The following SLC4A8 variants were observed in gnomAD, a reference collection of about 807,000 sequenced individuals.
The protein encoded by SLC4A8 is solute carrier family 4 member 8.
SLC4A8 carries 40 observed loss-of-function variants against 125.0 expected under a neutral mutation model. The observed-to-expected ratio is 0.32, with a 90% CI of 0.25 to 0.42. SLC4A8 has a LOEUF of 0.42. SLC4A8 is among the 10% of genes least tolerant of loss of function. The pLI, the probability that SLC4A8 is intolerant of heterozygous loss-of-function variation, is 1.00. For missense variants in SLC4A8, 863 were observed against 1,355.1 expected (o/e 0.64, Z 5.70); for synonymous variants, 456 against 476.0 (o/e 0.96, Z 0.55).
At chr12:51,424,076 A>AC (rs1555186727), upstream of SLC4A8, among the ~76,000 whole-genome samples, 66 of 126,346 alleles carry the variant, frequency 5.2e-4, no homozygotes, top group East Asian at 3.8e-3. Context: ...CAAAAAAAAA[A>AC]CAAAAAAAAC....
chr12:51,489,992 G>T, intron 19 of SLC4A8, 41 bp downstream of exon 19: 1 of 1,595,704 alleles, frequency 6.3e-7, no homozygotes, highest in South Asian at 1.1e-5. Flanking sequence ...TCAAGGGCCT[G>T]ATTTGTGCCA....
At chr12:51,497,594 G>A (rs1211250108) in intron 22 of SLC4A8, 1 of 155,300 alleles carries the variant, frequency 6.4e-6, no homozygotes, top group Non-Finnish European at 1.4e-5. Flanking sequence ...CTACACAATG[G>A]ACCCTCAATA....
rs1423022446 is a variant in SLC4A8, at chr12:51,424,955, GA to G, written c.-32del. The G allele has an allele frequency of 2.0e-5, 31 of 1,549,958 alleles. No homozygotes were observed. The highest frequency in any genetic ancestry group is 2.6e-5 in the Non-Finnish European group (30 of 1,146,690). On this transcript the variant is annotated 5_prime_UTR_variant, in exon 1 of 25. An upstream open reading frame in the 5' UTR gains an earlier in-frame stop. Coordinates refer to ENST00000453097, the MANE Select transcript of SLC4A8 (RefSeq NM_001039960.3). ...GCGCGGGCTGCTGATGCTTGGCTTG[GA>G]GCCCGTGGGGGAGACCTAGTTCGGC... is the stretch of plus-strand genomic sequence containing the variant.
chr12:51,406,999 G>A (rs987744042), intron 1 of SLC4A8, among the ~76,000 whole-genome samples: 2 of 152,208 alleles, frequency 1.3e-5, no homozygotes, highest in Admixed American at 1.3e-4. Context: ...CAAAATACCT[G>A]AGACGGGATA....
At chr12:51,415,462 T>C (rs987770272) in intron 1 of SLC4A8, among the ~76,000 whole-genome samples, 1 of 152,144 alleles carries the variant, frequency 6.6e-6, no homozygotes, top group African/African-American at 2.4e-5. Context: ...CCCGGTTCAA[T>C]CTTGGTAGGT....
At chr12:51,499,682 TG>T (rs1937763916) in intron 22 of SLC4A8, among the ~76,000 whole-genome samples, 1 of 151,644 alleles carries the variant, frequency 6.6e-6, no homozygotes, top group South Asian at 2.1e-4. Flanking sequence ...GGTAGTGATA[TG>T]TTTTAAGAAG....
At chr12:51,411,769 A>G (rs1948602005) in intron 1 of SLC4A8, among the ~76,000 whole-genome samples, 1 of 152,180 alleles carries the variant, frequency 6.6e-6, no homozygotes, top group African/African-American at 2.4e-5. Context: ...GTGTTTAAGA[A>G]GTTCTATTTA....
At chr12:51,428,321 A>G (rs1186043137) in intron 1 of SLC4A8, among the ~76,000 whole-genome samples, 2 of 152,150 alleles carry the variant, frequency 1.3e-5, no homozygotes, top group African/African-American at 4.8e-5. Flanking sequence ...TCTTGAGGGC[A>G]GGGGACAAGC....
At position 51,511,933 on chromosome 12, in the gene SLC4A8, GTT is replaced by G. The variant is rs1424847170; in HGVS notation, c.*4498_*4499del. On this transcript the variant is annotated 3_prime_UTR_variant, in exon 25 of 25. Coordinates refer to ENST00000453097, the MANE Select transcript of SLC4A8 (RefSeq NM_001039960.3). ...CAACAGCTTTGAATGTATTAAATCT[GTT>G]TTCAACAGCCCTTGCATAGGTGTTA... The G allele has an allele frequency of 6.6e-6, 1 of 152,206 alleles. No homozygotes were observed. The highest frequency in any genetic ancestry group is 1.5e-5 in the Non-Finnish European group (1 of 68,044). The allele number at this position is 152,206 out of a possible 1,614,324, so 9.4% of individuals were successfully genotyped here.
At chr12:51,473,496 C>T (rs1256886144) in intron 14 of SLC4A8, among the ~76,000 whole-genome samples, 2 of 152,012 alleles carry the variant, frequency 1.3e-5, no homozygotes, top group Admixed American at 6.6e-5. Flanking sequence ...TATTACTTTT[C>T]GTTTTGTCAA....
chr12:51,430,195 G>A (rs1949143397), intron 1 of SLC4A8, among the ~76,000 whole-genome samples: 1 of 152,076 alleles, frequency 6.6e-6, no homozygotes, highest in Non-Finnish European at 1.5e-5. Context: ...TGAGAAACAT[G>A]GCTGATAGGA....
intron 22 of SLC4A8, among the ~76,000 whole-genome samples, chr12:51,503,824 T>C (rs1251238324): frequency 6.6e-6 from 1 of 152,216 alleles, no homozygotes; most frequent in Non-Finnish European, 1.5e-5. Flanking sequence ...GACATTTTCT[T>C]TTTTTCTTTT....
At chr12:51,395,501 G>A (rs1332403492) in intron 1 of SLC4A8, among the ~76,000 whole-genome samples, 4 of 152,228 alleles carry the variant, frequency 2.6e-5, no homozygotes, top group Non-Finnish European at 4.4e-5. Context: ...GACAAAGGCA[G>A]CTCTGTGAGG....
upstream of SLC4A8, among the ~76,000 whole-genome samples, chr12:51,424,058 A>AC (rs1346780085): frequency 3.7e-5 from 2 of 54,078 alleles, no homozygotes; most frequent in Non-Finnish European, 8.4e-5. Flanking sequence ...AAAAAACAAA[A>AC]AAAACAACAA....
At chr12:51,413,630 G>T (rs887192769) in intron 1 of SLC4A8, among the ~76,000 whole-genome samples, 1 of 152,080 alleles carries the variant, frequency 6.6e-6, no homozygotes, top group African/African-American at 2.4e-5. Flanking sequence ...ATTCTTCTGC[G>T]TATGGATAGC....
intron 11 of SLC4A8, among the ~76,000 whole-genome samples, chr12:51,466,695 A>T (rs11169844): frequency 0.069 from 10,516 of 152,282 alleles, 489 homozygotes; most frequent in East Asian, 0.21. Flanking sequence ...TTATGCATGA[A>T]TGAGGTATGA....
chr12:51,456,234 C>G (rs1292526304), intron 5 of SLC4A8, among the ~76,000 whole-genome samples: 3 of 151,824 alleles, frequency 2.0e-5, no homozygotes, highest in Non-Finnish European at 4.4e-5. Context: ...TTTTTTCCCC[C>G]AAGATGAAGG....
chr12:51,467,543 G>A (rs533326387), intron 11 of SLC4A8: 2 of 152,322 alleles, frequency 1.3e-5, no homozygotes, highest in South Asian at 2.1e-4. Flanking sequence ...CTAGCATACA[G>A]ATCCCAGGCC....
At chr12:51,483,813 T>A (rs1268480246) in intron 16 of SLC4A8, among the ~76,000 whole-genome samples, 1 of 152,148 alleles carries the variant, frequency 6.6e-6, no homozygotes, top group Non-Finnish European at 1.5e-5. Context: ...TATGTATACA[T>A]GTGCCATGTT....
Sources: allele counts gnomAD v4.1 joint callset (sites outside exome capture counted in the v4.1 genomes callset), GRCh38; gene constraint gnomAD v4.1.1; transcripts MANE v1.5; gene names NCBI Gene and HGNC (gene_info 2026-07-23, HGNC 2026-07-21).